Variants in MAN2A1 observed in about 807,000 individuals in gnomAD.
The protein encoded by MAN2A1 is alpha-mannosidase 2.
MAN2A1 carries 76 observed loss-of-function variants against 142.6 expected under a neutral mutation model. The ratio of observed to expected loss-of-function variants is 0.53; its 90% CI spans 0.44 to 0.65. The LOEUF is 0.65. Among genes scored for constraint, MAN2A1 ranks in the 30% least tolerant of loss-of-function variants. The pLI, the probability that MAN2A1 is intolerant of heterozygous loss-of-function variation, is 0.00. For synonymous variants in MAN2A1, 559 were observed against 473.2 expected, an observed-to-expected ratio of 1.18 and a Z score of -2.35; for missense variants, 1,311 against 1,365.1, an observed-to-expected ratio of 0.96 and a Z score of 0.62.
chr5:109,774,662 A>T, intron 7 of MAN2A1, 126 bp from the exon 8 acceptor site: 1 of 680,544 alleles, frequency 1.5e-6, no homozygotes, highest in South Asian at 1.9e-5. Flanking sequence ...GATAGATAAA[A>T]TATACAGTTT....
chr5:109,816,438 AT>A lies in MAN2A1; in HGVS notation c.1944-825del, dbSNP rs936879136. ...TCCTTTTTCTACCTAATCCCAATCAATTTTTTTTTTCACCATTACTTACTAT... is the reference window on the plus strand; with the variant it reads ...TCCTTTTTCTACCTAATCCCAATCAATTTTTTTTTCACCATTACTTACTAT... On this transcript the variant is annotated intron_variant, in intron 12 of 21. Transcript: ENST00000261483. Among the ~76,000 whole-genome samples the A allele has an allele frequency of 3.3e-5, 5 of 149,686 alleles. No homozygotes were observed. In the East Asian group the frequency reaches 5.8e-4, roughly 17 times the overall value.
intron 8 of MAN2A1, among the ~76,000 whole-genome samples, chr5:109,780,056 G>T (rs1437930188): frequency 6.6e-6 from 1 of 151,242 alleles, no homozygotes; most frequent in Non-Finnish European, 1.5e-5. Flanking sequence ...ATGGTTGTAA[G>T]TTTTTTTTTG....
At chr5:109,711,603 C>T (rs576789201) in intron 1 of MAN2A1, among the ~76,000 whole-genome samples, 1 of 152,308 alleles carries the variant, frequency 6.6e-6, no homozygotes, top group South Asian at 2.1e-4. Flanking sequence ...TACTACTCGA[C>T]AGCTCTGAGG....
intron 1 of MAN2A1, among the ~76,000 whole-genome samples, chr5:109,705,363 A>T (rs1037995770): frequency 6.6e-6 from 1 of 152,166 alleles, no homozygotes; most frequent in Non-Finnish European, 1.5e-5. Flanking sequence ...ACTTTGAACC[A>T]TAAAGGGTGA....
intron 15 of MAN2A1, 143 bp downstream of exon 15, chr5:109,820,485 C>A: frequency 1.4e-6 from 1 of 720,282 alleles, no homozygotes; most frequent in East Asian, 2.8e-5. Context: ...TATCTATCAC[C>A]TTATTGATAC....
intron 16 of MAN2A1, among the ~76,000 whole-genome samples, chr5:109,832,161 CTTTTTTTTTTTTTTTTT>C (rs70999945): frequency 7.8e-5 from 4 of 51,230 alleles, no homozygotes; most frequent in African/African-American, 3.0e-4. Flanking sequence ...AAGGAGTTTT[CTTTTTTTTTTTTTTTTT>C]TTTTTTTTAG....
At chr5:109,747,783 C>T (rs1310572528) in intron 4 of MAN2A1, among the ~76,000 whole-genome samples, 1 of 152,140 alleles carries the variant, frequency 6.6e-6, no homozygotes, top group African/African-American at 2.4e-5. Flanking sequence ...ACCAAGGAAT[C>T]AAAGGGCAGT....
chr5:109,794,900 G>A (rs1014665364), intron 12 of MAN2A1, among the ~76,000 whole-genome samples: 1 of 151,974 alleles, frequency 6.6e-6, no homozygotes, highest in Non-Finnish European at 1.5e-5. Flanking sequence ...TCAAGGTATA[G>A]GTTGGCTAGT....
chr5:109,715,950 TTGAA>T (rs1321226047), intron 2 of MAN2A1, among the ~76,000 whole-genome samples, 166 bp from the exon 3 acceptor site: 1 of 152,176 alleles, frequency 6.6e-6, no homozygotes, highest in Non-Finnish European at 1.5e-5. Context: ...TTTCAAGCCT[TTGAA>T]TGGTGATGGA....
At chr5:109,828,498 CTTAT>C (rs1291524008) in intron 16 of MAN2A1, among the ~76,000 whole-genome samples, 1 of 152,128 alleles carries the variant, frequency 6.6e-6, no homozygotes, top group African/African-American at 2.4e-5. Context: ...TAACTGTGGC[CTTAT>C]TTGTCTTCAG....
chr5:109,748,269 A>G (rs1324781213), intron 4 of MAN2A1, among the ~76,000 whole-genome samples: 2 of 152,078 alleles, frequency 1.3e-5, no homozygotes, highest in African/African-American at 4.8e-5. Flanking sequence ...CAACTTTTTG[A>G]TCTTCTTATC....
chr5:109,776,457 T>TG (rs1753295144), intron 8 of MAN2A1, among the ~76,000 whole-genome samples: 1 of 152,122 alleles, frequency 6.6e-6, no homozygotes, highest in Non-Finnish European at 1.5e-5. Flanking sequence ...GATATATATA[T>TG]GAGTATCTTA....
chr5:109,702,848 T>G (rs76684528), intron 1 of MAN2A1, among the ~76,000 whole-genome samples: 1 of 152,242 alleles, frequency 6.6e-6, no homozygotes, highest in Non-Finnish European at 1.5e-5. Flanking sequence ...CTTGCCCTTG[T>G]AGACCAGTTG....
intron 4 of MAN2A1, among the ~76,000 whole-genome samples, chr5:109,753,483 A>T (rs1197074036): frequency 6.6e-6 from 1 of 152,210 alleles, no homozygotes; most frequent in Non-Finnish European, 1.5e-5. Flanking sequence ...AGACATTCTA[A>T]TGAGTCATCA....
chr5:109,744,534 C>T (rs902977167), intron 4 of MAN2A1, among the ~76,000 whole-genome samples: 1 of 151,974 alleles, frequency 6.6e-6, no homozygotes. Flanking sequence ...AAATCTTGGC[C>T]ATCAGGGAGA....
At chr5:109,790,325 TAAATG>T (rs1300377149) in intron 12 of MAN2A1, among the ~76,000 whole-genome samples, 1 of 151,828 alleles carries the variant, frequency 6.6e-6, no homozygotes, top group Admixed American at 6.6e-5. Flanking sequence ...TATTTAAAAA[TAAATG>T]GAATGAATGT....
chr5:109,776,800 G>T (rs1453440044), intron 8 of MAN2A1, among the ~76,000 whole-genome samples: 1 of 152,096 alleles, frequency 6.6e-6, no homozygotes, highest in East Asian at 1.9e-4. Flanking sequence ...CTGTCACCAT[G>T]ATTACTGTTG....
intron 1 of MAN2A1, among the ~76,000 whole-genome samples, chr5:109,709,211 A>G (rs993725459): frequency 2.0e-5 from 3 of 152,236 alleles, no homozygotes; most frequent in Non-Finnish European, 2.9e-5. Flanking sequence ...CATATAATAA[A>G]TATTAAGTTC....
At chr5:109,707,189 C>A (rs902273037) in intron 1 of MAN2A1, among the ~76,000 whole-genome samples, 6 of 152,150 alleles carry the variant, frequency 3.9e-5, no homozygotes, top group Non-Finnish European at 7.3e-5. Context: ...CCCAAACAGC[C>A]CATGAAAACC....
Sources: gnomAD v4.1 joint callset for allele counts (sites outside exome capture counted in the v4.1 genomes callset) on GRCh38, gnomAD v4.1.1 for gene constraint, MANE v1.5 for transcripts, NCBI Gene and HGNC (gene_info 2026-07-23, HGNC 2026-07-21) for gene names.